Variants in MAPKAPK5 observed in about 807,000 individuals in gnomAD.
MAPKAPK5 encodes MAP kinase-activated protein kinase 5.
MAPKAPK5 carries 30 observed loss-of-function variants against 65.1 expected under a neutral mutation model. The observed-to-expected ratio is 0.46, with a 90% confidence interval of 0.34 to 0.63. MAPKAPK5 has a LOEUF of 0.63. MAPKAPK5 is among the 20% of genes least tolerant of loss of function. MAPKAPK5 has a pLI of 0.01. For synonymous variants in MAPKAPK5, 179 were observed against 204.6 expected, an observed-to-expected ratio of 0.87 and a Z score of 1.07; for missense variants, 433 against 581.4, an observed-to-expected ratio of 0.74 and a Z score of 2.63.
chr12:111,866,157 G>T lies in MAPKAPK5; in HGVS notation c.112G>T (p.Val38Phe). Residue 38 changes from valine to phenylalanine, a missense_variant and splice_region_variant, in exon 3 of 14, where the codon GTC becomes TTC. Around this residue, in one of 3 missense-constraint regions of MAPKAPK5, gnomAD observed 165 missense variants for 180.0 expected, o/e 0.92. Coordinates refer to ENST00000550735, the MANE Select transcript of MAPKAPK5 (RefSeq NM_003668.4). ...TTGATTTTTTTTCTCCAAATCTAGA[G>T]TCTGTGTAAAGAAATCTACTCAAGA... ...LGAGISGPVRVCVKKSTQERF... is the reference protein window; with the variant it reads ...LGAGISGPVRFCVKKSTQERF... The T allele has an allele frequency of 6.2e-7, 1 of 1,604,420 alleles. No individual in the cohort carries two copies. Among genetic ancestry groups the T allele is most frequent in the Non-Finnish European group, 8.5e-7 (1 of 1,175,958 alleles).
chr12:111,877,597 G>C (rs1186869767), intron 7 of MAPKAPK5, among the ~76,000 whole-genome samples: 1 of 152,132 alleles, frequency 6.6e-6, no homozygotes, highest in African/African-American at 2.4e-5. Flanking sequence ...TGTCTGTTCA[G>C]ACCTTTTCTG....
At chr12:111,847,963 G>A (rs1036220340) in intron 1 of MAPKAPK5, among the ~76,000 whole-genome samples, 3 of 152,192 alleles carry the variant, frequency 2.0e-5, no homozygotes, top group African/African-American at 7.2e-5. Flanking sequence ...TTATTGAGCA[G>A]TAGTCTTTAT....
intron 13 of MAPKAPK5, among the ~76,000 whole-genome samples, chr12:111,892,553 T>C (rs1027726780): frequency 1.3e-5 from 2 of 152,244 alleles, no homozygotes; most frequent in South Asian, 2.1e-4. Flanking sequence ...CGTACTGATA[T>C]ACATTTTAAA....
chr12:111,862,551 A>G (rs534996604), intron 1 of MAPKAPK5, among the ~76,000 whole-genome samples: 144 of 152,224 alleles, frequency 9.5e-4, no homozygotes, highest in African/African-American at 3.4e-3. Flanking sequence ...AAATACAAAA[A>G]TTAGTTGGGT....
rs1484421382 is a variant in MAPKAPK5 at position 111,893,941 on chromosome 12, C to T, written c.*880C>T. The T allele has an allele frequency of 1.3e-5, 2 of 151,922 alleles. No individual in the cohort carries two copies. The highest frequency in any genetic ancestry group is 2.9e-5 in the Non-Finnish European group (2 of 68,274). 9.4% of individuals were successfully genotyped at this position (151,922 alleles called of 1,614,324 possible). The stretch of plus-strand genomic sequence containing the variant: ...ACGTTGGCCAGGCTGGTCTTGAACT[C>T]CTGACCTCAGGTGATACGTCTGCCT... On this transcript the variant is annotated 3_prime_UTR_variant, in exon 14 of 14. Coordinates refer to ENST00000550735, the MANE Select transcript of MAPKAPK5 (RefSeq NM_003668.4).
chr12:111,858,501 C>G, intron 1 of MAPKAPK5, among the ~76,000 whole-genome samples: 1 of 149,156 alleles, frequency 6.7e-6, no homozygotes. Context: ...TTTTCATGTT[C>G]ACTAATTATT....
chr12:111,901,184 T>C lies in MAPKAPK5; in HGVS notation c.*8123T>C. ...ATGAAGGAGATGTGCACAATGGCAC[T>C]TACTGTGCACCAAACAAAGTCTGCC... On this transcript the variant is annotated 3_prime_UTR_variant, in exon 14 of 14. Coordinates refer to ENST00000550735, the MANE Select transcript of MAPKAPK5 (RefSeq NM_003668.4). 2.2e-6 allele frequency: 1 copy of C among 456,042 alleles called. No individual in the cohort carries two copies. Among genetic ancestry groups the C allele is most frequent in the South Asian group, 1.5e-5 (1 of 64,562 alleles). 28.2% of individuals were successfully genotyped at this position (456,042 alleles called of 1,614,324 possible).
intron 7 of MAPKAPK5, chr12:111,879,252 T>C (rs755104260): frequency 9.2e-5 from 14 of 152,234 alleles, no homozygotes; most frequent in Non-Finnish European, 1.6e-4. Context: ...TTCTTAATGC[T>C]TGATATTTTT....
chr12:111,872,842 C>T (rs1253485189), intron 7 of MAPKAPK5, among the ~76,000 whole-genome samples: 1 of 152,164 alleles, frequency 6.6e-6, no homozygotes, highest in African/African-American at 2.4e-5. Context: ...TCACATTGGC[C>T]TTACCTAGAT....
At chr12:111,879,201 T>C (rs891306195) in intron 7 of MAPKAPK5, 1 of 152,198 alleles carries the variant, frequency 6.6e-6, no homozygotes, top group African/African-American at 2.4e-5. Flanking sequence ...AGCAATATTA[T>C]GTAGTCAGTT....
intron 8 of MAPKAPK5, chr12:111,882,878 C>T (rs2070281678): frequency 1.0e-6 from 1 of 982,750 alleles, no homozygotes; most frequent in South Asian, 4.7e-5. Flanking sequence ...CTCTTAGTTG[C>T]TTTGTTTCTA....
In MAPKAPK5 at chr12:111,867,638, A is replaced by G; in HGVS notation, c.253A>G (p.Ser85Gly). The G allele has an allele frequency of 6.2e-7, 1 of 1,613,962 alleles. No homozygotes were observed. Residue 85 changes from serine (S) to glycine (G), a missense_variant, in exon 4 of 14, where the codon AGT (serine) becomes GGT (glycine). Physicochemically the swap from Ser to Gly is moderately conservative, Grantham distance 56. This residue lies in a region of MAPKAPK5 where 165 missense variants were observed against 180.0 expected (regional missense o/e 0.92). Coordinates refer to ENST00000550735, the MANE Select transcript of MAPKAPK5 (RefSeq NM_003668.4). The part of the protein sequence containing the change: ...IVQIIEVFAN[S>G]VQFPHESSPR... ...TCAGATTATTGAAGTGTTTGCTAAC[A>G]GTGTCCAGTTTCCCCATGAGTCCAG... is the stretch of plus-strand genomic sequence containing the variant.
At chr12:111,847,983 A>G (rs930410937) in intron 1 of MAPKAPK5, among the ~76,000 whole-genome samples, 1 of 152,200 alleles carries the variant, frequency 6.6e-6, no homozygotes, top group Non-Finnish European at 1.5e-5. Context: ...TTGCTTATCC[A>G]TTCTCAGTTA....
chr12:111,842,681 A>G lies in MAPKAPK5; in HGVS notation c.-53A>G, dbSNP rs2136047977. On this transcript the variant is annotated 5_prime_UTR_variant, in exon 1 of 14. Transcript: ENST00000550735. The stretch of plus-strand genomic sequence containing the variant: ...CCTTTGCTCCCTCGGCCGCGCGGGG[A>G]CAGGGCTGCTGAGCAGCCTCCGCCT... The G allele has an allele frequency of 7.6e-7, 1 of 1,321,464 alleles. No homozygotes were observed. Among genetic ancestry groups the G allele is most frequent in the South Asian group, 2.4e-5 (1 of 41,372 alleles). The allele number at this position is 1,321,464 out of a possible 1,614,324, so 81.9% of individuals were successfully genotyped here.
intron 1 of MAPKAPK5, among the ~76,000 whole-genome samples, chr12:111,854,777 G>A (rs975571031): frequency 6.6e-6 from 1 of 152,166 alleles, no homozygotes; most frequent in African/African-American, 2.4e-5. Context: ...GTAGACGGCA[G>A]GAATGCTGCT....
intron 10 of MAPKAPK5, among the ~76,000 whole-genome samples, chr12:111,886,716 A>G (rs1468864750): frequency 2.0e-5 from 3 of 152,208 alleles, no homozygotes; most frequent in Non-Finnish European, 2.9e-5. Context: ...AGGCTTTGCA[A>G]GTGGACAGAG....
At chr12:111,868,714 T>C (rs1166218568) in intron 4 of MAPKAPK5, 39 bp from the exon 5 acceptor site, 14 of 1,454,380 alleles carry the variant, frequency 9.6e-6, no homozygotes, top group East Asian at 5.0e-5. Context: ...TTTTCTTTTT[T>C]TTTTTTTTAA....
chr12:111,853,156 G>A (rs923885231), intron 1 of MAPKAPK5, among the ~76,000 whole-genome samples: 5 of 152,030 alleles, frequency 3.3e-5, no homozygotes, highest in African/African-American at 9.7e-5. Flanking sequence ...ACGAGGTCAG[G>A]GGATCGAGTC....
At chr12:111,887,799 G>T (rs1021467702) in intron 10 of MAPKAPK5, 1 of 148,058 alleles carries the variant, frequency 6.8e-6, no homozygotes, top group African/African-American at 2.5e-5. Flanking sequence ...TATACTTCCT[G>T]ATCGTTTTCT....
Sources: allele counts gnomAD v4.1 joint callset (sites outside exome capture counted in the v4.1 genomes callset), GRCh38; gene constraint gnomAD v4.1.1; regional missense constraint gnomAD v4.1.1; transcripts MANE v1.5; gene names NCBI Gene and HGNC (gene_info 2026-07-23, HGNC 2026-07-21).